The following CD82 variants were observed in gnomAD, a reference collection of about 807,000 sequenced individuals.
CD82 encodes CD82 antigen.
In CD82, 36 loss-of-function variants were observed where a neutral mutation model predicts 37.4. The observed-to-expected ratio is 0.96, with a 90% CI of 0.74 to 1.27. The LOEUF (loss-of-function observed/expected upper bound fraction) is 1.27, where lower values mean the gene tolerates loss of function less well. Among genes scored for constraint, CD82 ranks in the 50% most tolerant of loss-of-function variants. The probability of loss-of-function intolerance (pLI) is 0.00; values close to 1 mark genes in which losing one functional copy is unlikely to be tolerated. For missense variants in CD82, 340 were observed against 347.0 expected (o/e 0.98, Z 0.16); for synonymous variants, 158 against 137.4 (o/e 1.15, Z -1.05).
chr11:44,597,553 G>A lies in CD82; in HGVS notation c.64-2605G>A, dbSNP rs964903762. Among the ~76,000 whole-genome samples the A allele has an allele frequency of 6.6e-6, 1 of 152,256 alleles. No individual in the cohort carries two copies. Among genetic ancestry groups the A allele is most frequent in the Non-Finnish European group, 1.5e-5 (1 of 68,040 alleles). ...CATCAGACCTACAGAGGGACTGAAT[G>A]GGTAGCCCCGGGGACTTTGCTCTCT... On this transcript the variant is annotated intron_variant, in intron 3 of 9. Coordinates refer to ENST00000227155, the MANE Select transcript of CD82 (RefSeq NM_002231.4). The surrounding 1 kb of genome is among the most constrained non-coding windows in gnomAD (Gnocchi z 4.1).
chr11:44,599,494 C>A (rs185873703), intron 3 of CD82, among the ~76,000 whole-genome samples: 1 of 152,362 alleles, frequency 6.6e-6, no homozygotes, highest in East Asian at 1.9e-4. Flanking sequence ...TCAGCTCATT[C>A]ATTCCCCCAG....
intron 4 of CD82, among the ~76,000 whole-genome samples, chr11:44,600,654 G>T: frequency 6.6e-6 from 1 of 152,206 alleles, no homozygotes; most frequent in African/African-American, 2.4e-5. Flanking sequence ...GTGGTGCTTC[G>T]CTATAAGCCT....
chr11:44,572,839 G>A (rs1281141421), intron 1 of CD82, among the ~76,000 whole-genome samples: 1 of 152,192 alleles, frequency 6.6e-6, no homozygotes, highest in Admixed American at 6.5e-5. Context: ...AATGGAAGCC[G>A]GTGGAAGAAG....
chr11:44,593,980 A>G (rs1249037553), intron 2 of CD82, among the ~76,000 whole-genome samples: 1 of 105,808 alleles, frequency 9.5e-6, no homozygotes, highest in Non-Finnish European at 1.9e-5. Flanking sequence ...AATTTTGATT[A>G]GAACCATTTG....
At chr11:44,608,870 G>C (rs1853438762) in intron 6 of CD82, among the ~76,000 whole-genome samples, 1 of 152,242 alleles carries the variant, frequency 6.6e-6, no homozygotes, top group African/African-American at 2.4e-5. Flanking sequence ...GGAGCCCCCA[G>C]GGGCTGCCTT....
intron 2 of CD82, among the ~76,000 whole-genome samples, chr11:44,594,397 A>C (rs1013595328): frequency 4.0e-5 from 6 of 151,534 alleles, no homozygotes; most frequent in African/African-American, 1.5e-4. Context: ...CACCAGCCCC[A>C]GCCCCAGCCC....
intron 1 of CD82, among the ~76,000 whole-genome samples, chr11:44,580,719 A>G (rs1403281215): frequency 6.6e-6 from 1 of 152,156 alleles, no homozygotes; most frequent in East Asian, 1.9e-4. Context: ...TCTCAATAAA[A>G]AGAAAAGAAA....
intron 7 of CD82, among the ~76,000 whole-genome samples, chr11:44,616,101 G>C (rs746123636): frequency 3.3e-5 from 5 of 152,158 alleles, no homozygotes; most frequent in African/African-American, 1.2e-4. Context: ...GAGGGCGCAG[G>C]ACACAGTGGT....
At chr11:44,600,112 G>T (rs372637755) in intron 3 of CD82, 46 bp from the exon 4 acceptor site, 67 of 1,588,786 alleles carry the variant, frequency 4.2e-5, no homozygotes, top group Non-Finnish European at 5.6e-5. Flanking sequence ...CAGGGGGAGG[G>T]CTATCTGCTC....
intron 1 of CD82, among the ~76,000 whole-genome samples, chr11:44,570,196 G>A (rs777974308): frequency 1.3e-5 from 2 of 152,184 alleles, no homozygotes; most frequent in Admixed American, 6.5e-5. Context: ...TCACTGTGAC[G>A]CTCAGCTTCC....
rs141666284 is a variant in CD82 at position 44,576,845 on chromosome 11, T to G, written c.-102-10630T>G. ...TTACTAAGCCCATTTTCACAGAGGA[T>G]GAGGATGACAGGGCAGGGAGTTGCC... is the stretch of plus-strand genomic sequence containing the variant. On this transcript the variant is annotated intron_variant, in intron 1 of 9. Coordinates refer to ENST00000227155, the MANE Select transcript of CD82 (RefSeq NM_002231.4). Among the ~76,000 whole-genome samples the G allele has an allele frequency of 2.7e-3, 406 of 152,278 alleles. 1 individual carries two copies. Among genetic ancestry groups the G allele is most frequent in the African/African-American group, 9.4e-3 (391 of 41,558 alleles).
chr11:44,612,646 T>TTTC (rs1853501535), intron 6 of CD82, among the ~76,000 whole-genome samples: 2 of 139,846 alleles, frequency 1.4e-5, no homozygotes, highest in Non-Finnish European at 3.1e-5. Context: ...TTTTTTTTTT[T>TTTC]TTTTGAGATG....
At chr11:44,592,529 C>T (rs1038181375) in intron 2 of CD82, among the ~76,000 whole-genome samples, 3 of 152,246 alleles carry the variant, frequency 2.0e-5, no homozygotes, top group African/African-American at 7.2e-5. Context: ...GAGAATCTCT[C>T]TTCTCTTGCT....
At chr11:44,568,953 G>A (rs369407571) in intron 1 of CD82, among the ~76,000 whole-genome samples, 6 of 152,196 alleles carry the variant, frequency 3.9e-5, no homozygotes, top group African/African-American at 9.7e-5. Context: ...GCTCCAAACC[G>A]TTATACCCAC....
chr11:44,606,161 C>T (rs1853392488), intron 6 of CD82: 1 of 152,344 alleles, frequency 6.6e-6, no homozygotes, highest in Non-Finnish European at 1.5e-5. Context: ...CCGCTGTGGC[C>T]TGAAGATGGG....
intron 6 of CD82, 130 bp from the exon 7 acceptor site, chr11:44,615,142 A>G: frequency 4.6e-6 from 3 of 655,724 alleles, no homozygotes; most frequent in Non-Finnish European, 8.5e-6. Flanking sequence ...GCGCCAGGAA[A>G]GTGGCTGGAG....
chr11:44,613,903 G>C (rs1486873312), intron 6 of CD82, among the ~76,000 whole-genome samples: 1 of 152,140 alleles, frequency 6.6e-6, no homozygotes, highest in South Asian at 2.1e-4. Context: ...TCCCAGAAAG[G>C]CAACTGACCT....
intron 3 of CD82, among the ~76,000 whole-genome samples, chr11:44,599,356 C>A (rs544307903): frequency 1.8e-4 from 27 of 152,346 alleles, no homozygotes; most frequent in African/African-American, 6.3e-4. Context: ...GTTGCCCAGG[C>A]TGGTCTCAAA....
At chr11:44,618,980 G>C in intron 9 of CD82, 69 bp from the exon 10 acceptor site, 2 of 1,330,074 alleles carry the variant, frequency 1.5e-6, no homozygotes, top group Non-Finnish European at 2.2e-6. Flanking sequence ...TGTAAACCTG[G>C]ATGGTGAGGC....
Sources: allele counts gnomAD v4.1 joint callset (sites outside exome capture counted in the v4.1 genomes callset), GRCh38; gene constraint gnomAD v4.1.1; non-coding constraint Gnocchi (gnomAD v3.1); transcripts MANE v1.5; gene names NCBI Gene and HGNC (gene_info 2026-07-23, HGNC 2026-07-21).